Variants in DGKH observed in about 807,000 individuals in gnomAD.
The protein encoded by DGKH is diacylglycerol kinase eta.
DGKH carries 90 observed loss-of-function variants against 159.3 expected under a neutral mutation model. The observed-to-expected ratio is 0.57, with a 90% confidence interval of 0.48 to 0.67. The LOEUF is 0.67. Ranked by LOEUF, DGKH falls within the 30% of genes least tolerant of loss-of-function variation. The probability of loss-of-function intolerance (pLI) is 0.00; values close to 1 mark genes in which losing one functional copy is unlikely to be tolerated. For missense variants in DGKH, 1,181 were observed against 1,506.1 expected (o/e 0.78, Z 3.57); for synonymous variants, 536 against 553.8 (o/e 0.97, Z 0.45).
intron 8 of DGKH, among the ~76,000 whole-genome samples, chr13:42,165,730 A>G (rs1956295435): frequency 6.8e-6 from 1 of 147,862 alleles, no homozygotes; most frequent in African/African-American, 2.6e-5. Context: ...GAAAAGGTTA[A>G]TTTTTATAAG....
chr13:42,183,057 G>A (rs1956817883), intron 13 of DGKH, among the ~76,000 whole-genome samples: 1 of 152,174 alleles, frequency 6.6e-6, no homozygotes, highest in African/African-American at 2.4e-5. Flanking sequence ...GGGAGGCCAA[G>A]GTGGGAGGAT....
At chr13:42,156,710 T>C (rs139642352) in intron 5 of DGKH, among the ~76,000 whole-genome samples, 245 of 152,360 alleles carry the variant, frequency 1.6e-3, no homozygotes, top group African/African-American at 5.5e-3. Context: ...AAAAATTTCG[T>C]AATTTGGAAT....
intron 1 of DGKH, among the ~76,000 whole-genome samples, chr13:42,120,902 C>T (rs186329530): frequency 6.6e-6 from 1 of 152,188 alleles, no homozygotes; most frequent in East Asian, 1.9e-4. Flanking sequence ...CATCTTGATC[C>T]AACCAAAGTT....
rs1014516277 is a variant in DGKH, at chr13:42,132,877, AT to A, written c.384+3254del. Among the ~76,000 whole-genome samples, 13 of 151,618 alleles carry A rather than the reference AT, an allele frequency of 8.6e-5. No individual in the cohort carries two copies. The South Asian group carries it at 1.7e-3, about 19-fold the overall frequency. ...CAGAGTGAGACCCTGTCTAAAAAAA[AT>A]TTTTTTTTGGCCGGGCGTGATGGCT... On this transcript the variant is annotated intron_variant, in intron 3 of 29. Coordinates refer to ENST00000337343, the MANE Select transcript of DGKH (RefSeq NM_178009.5).
chr13:42,215,514 TTATGGTA>T, intron 25 of DGKH, 54 bp from the exon 26 acceptor site: 3 of 1,255,648 alleles, frequency 2.4e-6, no homozygotes, highest in Non-Finnish European at 3.3e-6. Context: ...TTTAAAGTGT[TTATGGTA>T]ATGAAATCCT....
intron 1 of DGKH, among the ~76,000 whole-genome samples, chr13:42,095,946 T>C (rs986679740): frequency 4.6e-5 from 7 of 152,228 alleles, no homozygotes; most frequent in African/African-American, 2.4e-5. Flanking sequence ...TTTAAAGTTA[T>C]ATTGTTTCTA....
rs1045562263 is a variant in DGKH at position 42,238,977 on chromosome 13, T to C, written c.*9789T>C. 6.6e-6 allele frequency: 1 copy of C among 152,120 alleles called. No individual in the cohort carries two copies. Among genetic ancestry groups the C allele is most frequent in the Non-Finnish European group, 1.5e-5 (1 of 67,982 alleles). The allele number at this position is 152,120 out of a possible 1,614,324, so 9.4% of individuals were successfully genotyped here. A position where few individuals can be genotyped will look rare whatever the true frequency, so the allele number is the denominator to read the frequency against. On this transcript the variant is annotated 3_prime_UTR_variant, in exon 30 of 30. Transcript: ENST00000337343. The stretch of plus-strand genomic sequence containing the variant: ...GCCCCAAAAATGTTGGAATGCCATA[T>C]GATACAGGGAAAAGATTGGAGTTCA...
chr13:42,196,435 T>A (rs994088181), intron 17 of DGKH, among the ~76,000 whole-genome samples: 6 of 152,202 alleles, frequency 3.9e-5, no homozygotes, highest in Non-Finnish European at 8.8e-5. Context: ...AAAAGTGATA[T>A]ATTCATACAA....
chr13:42,067,163 A>G (rs1164138684), intron 1 of DGKH, among the ~76,000 whole-genome samples: 1 of 152,154 alleles, frequency 6.6e-6, no homozygotes, highest in African/African-American at 2.4e-5. Context: ...ATATCTGTTA[A>G]TCTAGAGTTG....
At chr13:42,224,964 C>T (rs1293415874) in intron 29 of DGKH, among the ~76,000 whole-genome samples, 1 of 152,026 alleles carries the variant, frequency 6.6e-6, no homozygotes, top group African/African-American at 2.4e-5. Context: ...TTCTGTCACC[C>T]AGGATGGAGT....
Position 42,151,535 on chromosome 13 carries a change from A to ATATATATACACGTG in DGKH, c.385-3748_385-3747insCACGTGTATATATA, listed in dbSNP as rs1566134627. The stretch of plus-strand genomic sequence containing the variant: ...CACATGTATATATATACACGTGTAT[A>ATATATATACACGTG]TATATATATACACGTGTATATATGT... On this transcript the variant is annotated intron_variant, in intron 3 of 29. Transcript: ENST00000337343. 3.4e-4 allele frequency among the ~76,000 whole-genome samples: 46 copies of ATATATATACACGTG among 133,950 alleles called. 1 individual carries two copies. Among genetic ancestry groups the ATATATATACACGTG allele is most frequent in the South Asian group, 1.1e-3 (4 of 3,504 alleles). The allele number at this position is 133,950 out of a possible 152,430, so 87.9% of individuals were successfully genotyped here. A position where few individuals can be genotyped will look rare whatever the true frequency, so the allele number is the denominator to read the frequency against.
In DGKH at chr13:42,210,704, G is replaced by A. The variant is rs1957634079; in HGVS notation, c.2953G>A (p.Ala985Thr). The stretch of plus-strand genomic sequence containing the variant: ...GTACATCCATCACGCCATTGACTTG[G>A]CAACAGAAGAGGTGTCGCAGATGCA... ...HLYIHHAIDL[A>T]TEEVSQMQLC... The change falls in exon 24 of 30, where the codon GCA becomes ACA. Residue 985 changes from alanine to threonine, a missense_variant. Coordinates refer to ENST00000337343, the MANE Select transcript of DGKH (RefSeq NM_178009.5). 1 of 1,612,172 alleles carries A rather than the reference G, an allele frequency of 6.2e-7. No individual in the cohort carries two copies. Among genetic ancestry groups the A allele is most frequent in the Admixed American group, 1.7e-5 (1 of 60,002 alleles).
downstream of DGKH, among the ~76,000 whole-genome samples, chr13:42,244,759 C>G (rs1958564254): frequency 6.6e-6 from 1 of 151,160 alleles, no homozygotes; most frequent in Admixed American, 6.6e-5. Context: ...AAAAAATTAG[C>G]CGGGCGTAGT....
chr13:42,059,534 C>G (rs1234000372), intron 1 of DGKH, among the ~76,000 whole-genome samples: 1 of 151,910 alleles, frequency 6.6e-6, no homozygotes, highest in Non-Finnish European at 1.5e-5. Context: ...ACAGGCGTGA[C>G]CCACCGCGCC....
At chr13:42,188,963 A>G in intron 14 of DGKH, 73 bp from the exon 15 acceptor site, 1 of 1,517,866 alleles carries the variant, frequency 6.6e-7, no homozygotes. Context: ...ATCTCTATAA[A>G]AATTTCTTGT....
chr13:42,217,159 T>G (rs1957821409), intron 26 of DGKH, among the ~76,000 whole-genome samples: 1 of 152,264 alleles, frequency 6.6e-6, no homozygotes, highest in Admixed American at 6.5e-5. Flanking sequence ...TATATTTTAG[T>G]GCCAGAATGA....
chr13:42,225,164 C>A, intron 29 of DGKH: 2 of 842,150 alleles, frequency 2.4e-6, no homozygotes, highest in African/African-American at 1.8e-5. Flanking sequence ...CTCAAGAGAT[C>A]GGCCTGCCTT....
intron 26 of DGKH, among the ~76,000 whole-genome samples, chr13:42,218,697 C>A (rs1328071674): frequency 6.6e-6 from 1 of 151,738 alleles, no homozygotes; most frequent in African/African-American, 2.4e-5. Context: ...TTAGTAGAGG[C>A]GGGGTTTCAT....
rs1295753529 is a variant in DGKH at position 42,215,628 on chromosome 13, T to C, written c.3174T>C (p.Tyr1058=). Residue 1058 remains tyrosine (Y), a synonymous_variant, in exon 26 of 30, where the codon TAT becomes TAC. Coordinates refer to ENST00000337343, the MANE Select transcript of DGKH (RefSeq NM_178009.5). Reference sequence around the variant, plus strand: ...TAGCCATCAATGTGAAGGCGCTGTATAATGAAACAGAATCTTTGCTAGTTG... The same window carrying C: ...TAGCCATCAATGTGAAGGCGCTGTACAATGAAACAGAATCTTTGCTAGTTG... ...TEIAINVKAL[Y]NETESLLVGR... 1 of 1,611,816 alleles carries C rather than the reference T, an allele frequency of 6.2e-7. No homozygotes were observed. The highest frequency in any genetic ancestry group is 8.5e-7 in the Non-Finnish European group (1 of 1,178,758).
Sources: allele counts gnomAD v4.1 joint callset (sites outside exome capture counted in the v4.1 genomes callset), GRCh38; gene constraint gnomAD v4.1.1; transcripts MANE v1.5; gene names NCBI Gene and HGNC (gene_info 2026-07-23, HGNC 2026-07-21).